Variants in DIAPH2 observed in about 807,000 individuals in gnomAD.
DIAPH2 encodes diaphanous related formin 2.
In DIAPH2, 35 loss-of-function variants were observed where a neutral mutation model predicts 92.7. The ratio of observed to expected loss-of-function variants is 0.38; its 90% confidence interval spans 0.29 to 0.50. The LOEUF (loss-of-function observed/expected upper bound fraction) is 0.50. DIAPH2 is among the 20% of genes least tolerant of loss of function. DIAPH2 has a pLI of 0.94. For synonymous variants in DIAPH2, 301 were observed against 280.4 expected (o/e 1.07, Z -0.73); for missense variants, 701 against 819.5 (o/e 0.86, Z 1.77).
chrX:97,512,259 T>C (rs1454326226), intron 26 of DIAPH2, among the ~76,000 whole-genome samples: 2 of 113,564 alleles, frequency 1.8e-5, no homozygotes, highest in East Asian at 5.4e-4. Context: ...TGTCAAGGAA[T>C]TTATCCATTT....
At chrX:97,230,886 C>G (rs1187637809) in intron 22 of DIAPH2, among the ~76,000 whole-genome samples, 1 of 112,158 alleles carries the variant, frequency 8.9e-6, no homozygotes, top group Non-Finnish European at 1.9e-5. Context: ...ATCAGAGAGG[C>G]AGGTGATATT....
chrX:97,182,784 G>A (rs1269908844), intron 22 of DIAPH2, among the ~76,000 whole-genome samples: 1 of 111,302 alleles, frequency 9.0e-6, no homozygotes, highest in Non-Finnish European at 1.9e-5. Flanking sequence ...AATTATTTTT[G>A]AACTTCTCTG....
rs144982897 is a variant in DIAPH2, at chrX:97,356,467, A to G, written c.3009+8187A>G. On this transcript the variant is annotated intron_variant, in intron 24 of 26. Transcript: ENST00000324765. ...CCTTAGGTTTATTTTGATCTGTTGC[A>G]ACTCTTTGAAAATAGGCAATCCATG... Among the ~76,000 whole-genome samples the G allele has an allele frequency of 4.2e-3, 469 of 111,868 alleles. 3 individuals carry two copies. The highest frequency in any genetic ancestry group is 0.013 in the African/African-American group (408 of 30,819).
chrX:97,231,527 T>G (rs182219231), intron 22 of DIAPH2, among the ~76,000 whole-genome samples: 1,216 of 111,759 alleles, frequency 0.011, 13 homozygotes, highest in African/African-American at 0.038. Flanking sequence ...AAAAATAACC[T>G]GGTGTATCCA....
At chrX:97,031,020 A>G (rs1256853130) in intron 17 of DIAPH2, among the ~76,000 whole-genome samples, 4 of 111,638 alleles carry the variant, frequency 3.6e-5, no homozygotes, top group African/African-American at 9.8e-5. Flanking sequence ...AAATTATTTT[A>G]CTCAGGGCTT....
intron 3 of DIAPH2, among the ~76,000 whole-genome samples, chrX:96,753,403 G>A (rs1407132246): frequency 9.0e-6 from 1 of 111,680 alleles, no homozygotes; most frequent in Non-Finnish European, 1.9e-5. Context: ...TGAGGGAGGT[G>A]GACATTCTTT....
At chrX:96,764,855 G>A (rs1186951217) in intron 4 of DIAPH2, among the ~76,000 whole-genome samples, 1 of 111,250 alleles carries the variant, frequency 9.0e-6, no homozygotes, top group Non-Finnish European at 1.9e-5. Context: ...GGCTAGGTGG[G>A]GTTAAATAAC....
rs773830376 is a variant in DIAPH2, at chrX:96,912,472, C to A, written c.663-11C>A. 3.3e-6 allele frequency: 4 copies of A among 1,198,833 alleles called. No individual in the cohort carries two copies. In the South Asian group the frequency reaches 5.5e-5, roughly 16 times the overall value. ...TCAGCACAACATAATATACATTTTT[C>A]TTTTATTTAGGCAAGAAAATATTGA... On this transcript the variant is annotated splice_polypyrimidine_tract_variant and intron_variant, in intron 6 of 26. Coordinates refer to ENST00000324765, the MANE Select transcript of DIAPH2 (RefSeq NM_006729.5).
chrX:97,325,377 CAT>C (rs987990558), intron 23 of DIAPH2, among the ~76,000 whole-genome samples: 10 of 110,993 alleles, frequency 9.0e-5, no homozygotes, highest in African/African-American at 3.3e-4. Flanking sequence ...AATATAGGAC[CAT>C]CTGGTGAGAA....
At chrX:96,913,713 C>G (rs1008811489) in intron 7 of DIAPH2, among the ~76,000 whole-genome samples, 1 of 110,643 alleles carries the variant, frequency 9.0e-6, no homozygotes, top group African/African-American at 3.3e-5. Flanking sequence ...TTAATGTCAG[C>G]AAGTTTACAT....
Position 96,945,560 on chromosome X carries a change from G to C in DIAPH2, c.1478G>C (p.Ser493Thr), listed in dbSNP as rs759735706. The change falls in exon 14 of 27, where the codon AGT becomes ACT. Residue 493 changes from serine to threonine, a missense_variant. Ser to Thr is a moderately conservative substitution (Grantham distance 58). Coordinates refer to ENST00000324765, the MANE Select transcript of DIAPH2 (RefSeq NM_006729.5). ...GTGAACAAGGCGAAAGTTGAAGAAAGTGAACAAAAAGCTGCAGAGTTTTCA... is the reference window on the plus strand; with the variant it reads ...GTGAACAAGGCGAAAGTTGAAGAAACTGAACAAAAAGCTGCAGAGTTTTCA... ...SCVNKAKVEE[S>T]EQKAAEFSKK... is the part of the protein sequence containing the mutation. 9 of 1,158,030 alleles carry C rather than the reference G, an allele frequency of 7.8e-6. No individual in the cohort carries two copies. In the African/African-American group the frequency reaches 1.7e-4, roughly 22 times the overall value.
At position 96,955,725 on chromosome X, in the gene DIAPH2, C is replaced by A. The variant is rs1405206747; in HGVS notation, c.1615-2103C>A. Among the ~76,000 whole-genome samples the A allele has an allele frequency of 3.6e-5, 4 of 112,413 alleles. No homozygotes were observed. In the Admixed American group the frequency reaches 3.7e-4, roughly 11 times the overall value. ...AAAATCCAATAGGGCAGTCATTAAA[C>A]CTCAGAGTTCCGAAATGATCTCCTT... is the stretch of plus-strand genomic sequence containing the variant. On this transcript the variant is annotated intron_variant, in intron 15 of 26. Coordinates refer to ENST00000324765, the MANE Select transcript of DIAPH2 (RefSeq NM_006729.5).
At chrX:97,582,266 C>T (rs1156461626) in intron 26 of DIAPH2, among the ~76,000 whole-genome samples, 1 of 57,266 alleles carries the variant, frequency 1.7e-5, no homozygotes. Flanking sequence ...TTCCTAGTCT[C>T]GATGGTCTTT....
At chrX:97,360,898 CT>C (rs1158428887) in intron 24 of DIAPH2, among the ~76,000 whole-genome samples, 2 of 110,552 alleles carry the variant, frequency 1.8e-5, no homozygotes, top group African/African-American at 6.6e-5. Context: ...AGGTGACAGT[CT>C]CCTTCTGTTG....
At chrX:96,836,550 G>A (rs955986094) in intron 4 of DIAPH2, among the ~76,000 whole-genome samples, 1 of 104,888 alleles carries the variant, frequency 9.5e-6, no homozygotes, top group East Asian at 2.9e-4. Context: ...TAATCAGGCT[G>A]ACCTAGCCCG....
At chrX:97,029,547 C>T (rs1001126063) in intron 17 of DIAPH2, among the ~76,000 whole-genome samples, 7 of 111,473 alleles carry the variant, frequency 6.3e-5, no homozygotes, top group African/African-American at 2.3e-4. Flanking sequence ...CTAAATTGAT[C>T]TGTTTTTTTA....
chrX:96,700,413 A>G (rs2063848731), intron 1 of DIAPH2, among the ~76,000 whole-genome samples: 1 of 112,146 alleles, frequency 8.9e-6, no homozygotes, highest in Admixed American at 9.4e-5. Context: ...TCTCACTGTT[A>G]TCTGTTCTTC....
intron 23 of DIAPH2, among the ~76,000 whole-genome samples, chrX:97,307,320 T>C (rs2068755249): frequency 8.9e-6 from 1 of 111,954 alleles, no homozygotes; most frequent in South Asian, 3.7e-4. Flanking sequence ...GTTTAATCCT[T>C]GTGTCTCATT....
intron 22 of DIAPH2, among the ~76,000 whole-genome samples, chrX:97,181,807 T>C (rs2067542684): frequency 8.9e-6 from 1 of 112,621 alleles, no homozygotes; most frequent in African/African-American, 3.2e-5. Context: ...AAGATAAAGA[T>C]TATAAGTAGG....
Sources: allele counts gnomAD v4.1 joint callset (sites outside exome capture counted in the v4.1 genomes callset), GRCh38; gene constraint gnomAD v4.1.1; transcripts MANE v1.5; gene names NCBI Gene and HGNC (gene_info 2026-07-23, HGNC 2026-07-21).